Variants in SMYD3 observed in about 807,000 individuals in gnomAD.
The protein encoded by SMYD3 is histone-lysine N-methyltransferase SMYD3.
Under a neutral mutation model 57.7 loss-of-function variants are expected in SMYD3, and 36 were observed. The observed-to-expected ratio is 0.62, with a 90% CI of 0.48 to 0.82. The LOEUF is 0.82. SMYD3 is among the 40% of genes least tolerant of loss of function. The pLI, the probability that SMYD3 is intolerant of heterozygous loss-of-function variation, is 0.00. For synonymous variants in SMYD3, 211 were observed against 195.0 expected, an observed-to-expected ratio of 1.08 and a Z score of -0.68; for missense variants, 515 against 538.8, an observed-to-expected ratio of 0.96 and a Z score of 0.44.
intron 2 of SMYD3, among the ~76,000 whole-genome samples, chr1:246,342,540 A>C (rs2148682935): frequency 1.3e-5 from 2 of 152,350 alleles, no homozygotes; most frequent in East Asian, 3.9e-4. Flanking sequence ...TAACAGCTAC[A>C]GTTGACTGAC....
intron 10 of SMYD3, among the ~76,000 whole-genome samples, chr1:245,801,994 A>C (rs1048011241): frequency 6.6e-6 from 1 of 151,962 alleles, no homozygotes; most frequent in African/African-American, 2.4e-5. Context: ...GACTCTTAAG[A>C]CTTGTTATAT....
intron 1 of SMYD3, among the ~76,000 whole-genome samples, chr1:246,490,782 G>A (rs912345865): frequency 3.3e-5 from 5 of 152,140 alleles, no homozygotes; most frequent in Admixed American, 1.3e-4. Context: ...TGGGAGGATC[G>A]TTTGAGTCTG....
At chr1:246,156,149 T>C (rs2062021032) in intron 5 of SMYD3, among the ~76,000 whole-genome samples, 1 of 152,174 alleles carries the variant, frequency 6.6e-6, no homozygotes, top group Non-Finnish European at 1.5e-5. Context: ...ATGTGTTTAC[T>C]ACATGCAAAA....
At chr1:246,216,301 A>AAAAAGT (rs2063162685) in intron 5 of SMYD3, among the ~76,000 whole-genome samples, 1 of 151,230 alleles carries the variant, frequency 6.6e-6, no homozygotes, top group African/African-American at 2.4e-5. Context: ...AAAAAAAAAA[A>AAAAAGT]CTCATAAGCA....
At chr1:245,887,907 AG>A (rs2053175342) in intron 8 of SMYD3, among the ~76,000 whole-genome samples, 2 of 152,250 alleles carry the variant, frequency 1.3e-5, no homozygotes, top group Admixed American at 1.3e-4. Flanking sequence ...AGATTCAAGC[AG>A]GTTTGCTGAA....
chr1:245,851,686 G>T (rs969448497), intron 10 of SMYD3, among the ~76,000 whole-genome samples: 2 of 152,196 alleles, frequency 1.3e-5, no homozygotes, highest in Non-Finnish European at 2.9e-5. Context: ...GGAACAAGCA[G>T]CTTCTCAATT....
intron 5 of SMYD3, among the ~76,000 whole-genome samples, chr1:246,045,519 C>T (rs2059948378): frequency 6.6e-6 from 1 of 151,880 alleles, no homozygotes; most frequent in Non-Finnish European, 1.5e-5. Context: ...GACCTAAAAC[C>T]ATAAAAACCC....
intron 10 of SMYD3, among the ~76,000 whole-genome samples, chr1:245,811,118 T>A (rs1409145077): frequency 6.6e-6 from 1 of 152,250 alleles, no homozygotes; most frequent in Admixed American, 6.5e-5. Flanking sequence ...CTGTCACGTC[T>A]GGTGTATCAC....
At chr1:245,800,900 G>T (rs181567256) in intron 10 of SMYD3, among the ~76,000 whole-genome samples, 3 of 152,040 alleles carry the variant, frequency 2.0e-5, no homozygotes, top group African/African-American at 7.2e-5. Flanking sequence ...CTAATAGCAG[G>T]GCATACTCAT....
intron 5 of SMYD3, among the ~76,000 whole-genome samples, chr1:246,032,717 T>C (rs2059699541): frequency 6.6e-6 from 1 of 152,206 alleles, no homozygotes; most frequent in Non-Finnish European, 1.5e-5. Flanking sequence ...GAAATCATCT[T>C]CTCATTTTTA....
intron 5 of SMYD3, among the ~76,000 whole-genome samples, chr1:246,296,883 G>T (rs2153382): frequency 1.3e-5 from 2 of 152,070 alleles, no homozygotes; most frequent in African/African-American, 4.8e-5. Flanking sequence ...TTGAGATAGC[G>T]TTCTTAAAGA....
chr1:246,443,407 C>A (rs529328602), intron 1 of SMYD3, among the ~76,000 whole-genome samples: 1 of 152,202 alleles, frequency 6.6e-6, no homozygotes, highest in East Asian at 1.9e-4. Context: ...AGGCAACAGT[C>A]TCCTATAGAA....
At chr1:245,793,077 G>A (rs12097033) in intron 10 of SMYD3, among the ~76,000 whole-genome samples, 97,643 of 142,466 alleles carry the variant, frequency 0.69, 32,902 homozygotes, top group East Asian at 0.73. Context: ...TTGGGAGGCC[G>A]AGGCGGGTGA....
At chr1:245,803,173 A>G (rs549810674) in intron 10 of SMYD3, among the ~76,000 whole-genome samples, 1 of 152,324 alleles carries the variant, frequency 6.6e-6, no homozygotes, top group Admixed American at 6.5e-5. Flanking sequence ...TGACTGTGAC[A>G]TGAAAGATGG....
chr1:245,813,063 G>A (rs1356266663), intron 10 of SMYD3, among the ~76,000 whole-genome samples: 4 of 138,792 alleles, frequency 2.9e-5, no homozygotes, highest in Non-Finnish European at 6.0e-5. Context: ...TGCCCAGGCT[G>A]GAGTGCAGTG....
At chr1:246,462,877 A>C (rs2067824240) in intron 1 of SMYD3, among the ~76,000 whole-genome samples, 1 of 152,188 alleles carries the variant, frequency 6.6e-6, no homozygotes, top group African/African-American at 2.4e-5. Flanking sequence ...TGAGTAGAAA[A>C]AAAGAAAGAA....
At chr1:246,343,384 G>A (rs1337858315) in intron 2 of SMYD3, among the ~76,000 whole-genome samples, 2 of 152,192 alleles carry the variant, frequency 1.3e-5, no homozygotes, top group African/African-American at 4.8e-5. Context: ...AAAGTGAACT[G>A]GAACAGCCAT....
At chr1:246,094,011 G>A (rs2060869743) in intron 5 of SMYD3, among the ~76,000 whole-genome samples, 1 of 152,086 alleles carries the variant, frequency 6.6e-6, no homozygotes, top group Admixed American at 6.5e-5. Context: ...GACAGGGGCA[G>A]AGCTGTGTCT....
intron 1 of SMYD3, among the ~76,000 whole-genome samples, chr1:246,391,994 T>G (rs1362879431): frequency 1.3e-5 from 2 of 152,222 alleles, no homozygotes. Flanking sequence ...CCCTCCAGTT[T>G]CAGCTTATCA....
Sources: gnomAD v4.1 joint callset for allele counts (sites outside exome capture counted in the v4.1 genomes callset) on GRCh38, gnomAD v4.1.1 for gene constraint, MANE v1.5 for transcripts, NCBI Gene and HGNC (gene_info 2026-07-23, HGNC 2026-07-21) for gene names.